The following NTRK2 variants were observed in gnomAD, a reference collection of about 807,000 sequenced individuals.
NTRK2 encodes BDNF/NT-3 growth factors receptor.
In NTRK2, 13 loss-of-function variants were observed where a neutral mutation model predicts 94.5. The observed-to-expected ratio is 0.14, with a 90% CI of 0.09 to 0.22. The LOEUF (loss-of-function observed/expected upper bound fraction) is 0.22. NTRK2 is among the 10% of genes least tolerant of loss of function. The pLI, the probability that NTRK2 is intolerant of heterozygous loss-of-function variation, is 1.00. For synonymous variants in NTRK2, 372 were observed against 407.4 expected (o/e 0.91, Z 1.05); for missense variants, 639 against 1,071.2 (o/e 0.60, Z 5.63).
At chr9:84,905,631 T>C (rs1388503606) in intron 14 of NTRK2, among the ~76,000 whole-genome samples, 1 of 152,180 alleles carries the variant, frequency 6.6e-6, no homozygotes, top group Non-Finnish European at 1.5e-5. Context: ...GTCTACTAGA[T>C]TGCTATGTAA....
chr9:84,956,963 G>A lies in NTRK2; in HGVS notation c.2172+1446G>A, dbSNP rs1306125663. ...TTGGGTGTATTTGCAGGAGATGGGG[G>A]CACACTCTTAACTTCAGGTGTTCAA... On this transcript the variant is annotated intron_variant, in intron 17 of 18. Transcript: ENST00000277120. 2.6e-5 allele frequency among the ~76,000 whole-genome samples: 4 copies of A among 152,078 alleles called. No homozygotes were observed. The South Asian group carries it at 6.2e-4, about 24-fold the overall frequency.
intron 17 of NTRK2, among the ~76,000 whole-genome samples, chr9:84,986,645 T>A (rs1045042385): frequency 6.6e-6 from 1 of 152,208 alleles, no homozygotes; most frequent in Non-Finnish European, 1.5e-5. Context: ...CTTACAATAT[T>A]GAAAAGTGTC....
At chr9:84,744,282 AT>A (rs2063876799) in intron 10 of NTRK2, among the ~76,000 whole-genome samples, 1 of 152,206 alleles carries the variant, frequency 6.6e-6, no homozygotes, top group African/African-American at 2.4e-5. Context: ...ACTTGGTGAA[AT>A]GAGAACAGAG....
At chr9:84,946,748 C>T (rs1399307052) in intron 15 of NTRK2, among the ~76,000 whole-genome samples, 1 of 152,188 alleles carries the variant, frequency 6.6e-6, no homozygotes, top group Non-Finnish European at 1.5e-5. Flanking sequence ...GGTGGTCAGA[C>T]ACCTGAAATC....
chr9:85,024,775 C>T lies in NTRK2; in HGVS notation c.*3338C>T, dbSNP rs1378890123. On this transcript the variant is annotated 3_prime_UTR_variant, in exon 19 of 19. Coordinates refer to ENST00000277120, the MANE Select transcript of NTRK2 (RefSeq NM_006180.6). ...AGCTTCAGCTAAATTCAGCTAAATT[C>T]TTGTACACTGAACCAATGTCATAAT... 4.3e-6 allele frequency: 1 copy of T among 232,946 alleles called. No homozygotes were observed. Among genetic ancestry groups the T allele is most frequent in the Non-Finnish European group, 8.5e-6 (1 of 117,950 alleles). The allele number at this position is 232,946 out of a possible 1,614,324, so 14.4% of individuals were successfully genotyped here.
At chr9:84,686,825 A>G (rs72737659) in intron 2 of NTRK2, among the ~76,000 whole-genome samples, 1 of 152,186 alleles carries the variant, frequency 6.6e-6, no homozygotes, top group East Asian at 1.9e-4. Context: ...AAAAAACCCA[A>G]CTGATAGACA....
At chr9:84,911,248 A>G (rs1374633405) in intron 14 of NTRK2, among the ~76,000 whole-genome samples, 1 of 152,122 alleles carries the variant, frequency 6.6e-6, no homozygotes, top group African/African-American at 2.4e-5. Flanking sequence ...AGATGTTTGT[A>G]GTATTTTTTG....
At chr9:84,843,326 T>C (rs985852411) in intron 12 of NTRK2, among the ~76,000 whole-genome samples, 1 of 152,132 alleles carries the variant, frequency 6.6e-6, no homozygotes, top group Non-Finnish European at 1.5e-5. Context: ...CTTCTCTCAG[T>C]AGCCTCCCCT....
chr9:84,756,004 C>T (rs1447776271), intron 12 of NTRK2, among the ~76,000 whole-genome samples: 2 of 152,112 alleles, frequency 1.3e-5, no homozygotes, highest in African/African-American at 4.8e-5. Flanking sequence ...ACCATAATTG[C>T]AGAAGCCAAA....
At chr9:84,982,051 A>C (rs1449721916) in intron 17 of NTRK2, among the ~76,000 whole-genome samples, 5 of 152,244 alleles carry the variant, frequency 3.3e-5, no homozygotes, top group Non-Finnish European at 7.3e-5. Context: ...ATTTTAGAAT[A>C]TTCTGCAAGT....
chr9:84,901,082 A>G (rs1215474537), intron 14 of NTRK2, among the ~76,000 whole-genome samples: 1 of 152,220 alleles, frequency 6.6e-6, no homozygotes, highest in African/African-American at 2.4e-5. Context: ...TACATATTCA[A>G]TTAATGTTTT....
At chr9:84,810,893 G>C in intron 12 of NTRK2, 1 of 1,232,022 alleles carries the variant, frequency 8.1e-7, no homozygotes, top group Non-Finnish European at 1.0e-6. Flanking sequence ...CCATTGGATT[G>C]TACTTCTCTT....
chr9:84,882,719 T>TGCGCGCGCGCGCGCGCGC (rs1554762159), intron 14 of NTRK2, among the ~76,000 whole-genome samples: 3 of 145,742 alleles, frequency 2.1e-5, no homozygotes, highest in Non-Finnish European at 3.0e-5. Context: ...TGTGTGTGTG[T>TGCGCGCGCGCGCGCGCGC]GCGCGCGCGC....
chr9:84,725,414 A>G (rs982082203), intron 8 of NTRK2, among the ~76,000 whole-genome samples: 2 of 152,268 alleles, frequency 1.3e-5, no homozygotes, highest in African/African-American at 4.8e-5. Context: ...ATATGCAAGC[A>G]CTTTCAACTG....
intron 17 of NTRK2, among the ~76,000 whole-genome samples, chr9:85,009,979 G>C (rs1306132777): frequency 6.6e-6 from 1 of 152,174 alleles, no homozygotes; most frequent in Non-Finnish European, 1.5e-5. Context: ...TCAGGCTAAT[G>C]GTGGAATGTA....
intron 17 of NTRK2, among the ~76,000 whole-genome samples, chr9:84,996,860 C>CT (rs1201765411): frequency 6.6e-6 from 1 of 152,238 alleles, no homozygotes; most frequent in Non-Finnish European, 1.5e-5. Flanking sequence ...GGCAGGTGCC[C>CT]TGCAAGCAGG....
At chr9:84,702,302 A>G (rs1554697689) in intron 3 of NTRK2, 46 bp from the exon 4 acceptor site, 12 of 1,609,512 alleles carry the variant, frequency 7.5e-6, no homozygotes, top group Non-Finnish European at 9.4e-6. Context: ...TCAGGCAGGC[A>G]TTCACTGGTT....
At chr9:84,804,130 C>T (rs966879127) in intron 12 of NTRK2, among the ~76,000 whole-genome samples, 4 of 152,202 alleles carry the variant, frequency 2.6e-5, no homozygotes, top group African/African-American at 7.2e-5. Flanking sequence ...TTTTCACCTA[C>T]ACTCTTTCTT....
chr9:84,975,068 C>G (rs552530759), intron 17 of NTRK2, among the ~76,000 whole-genome samples: 1 of 152,038 alleles, frequency 6.6e-6, no homozygotes, highest in Non-Finnish European at 1.5e-5. Flanking sequence ...CCTTGGAAGG[C>G]GGCACCCTCC....
Sources: gnomAD v4.1 joint callset for allele counts (sites outside exome capture counted in the v4.1 genomes callset) on GRCh38, gnomAD v4.1.1 for gene constraint, MANE v1.5 for transcripts, NCBI Gene and HGNC (gene_info 2026-07-23, HGNC 2026-07-21) for gene names.